Variants in KLF8 observed in about 807,000 individuals in gnomAD.
The protein encoded by KLF8 is KLF transcription factor 8.
KLF8 carries 10 observed loss-of-function variants against 18.2 expected under a neutral mutation model. The observed-to-expected ratio is 0.55, with a 90% CI of 0.34 to 0.93. The LOEUF is 0.93. KLF8 is among the 40% of genes least tolerant of loss of function. The probability of loss-of-function intolerance (pLI) is 0.02; values close to 1 mark genes in which losing one functional copy is unlikely to be tolerated. For synonymous variants in KLF8, 109 were observed against 97.3 expected (o/e 1.12, Z -0.71); for missense variants, 264 against 277.9 (o/e 0.95, Z 0.36).
chrX:56,214,870 A>G, the KLF8 span, among the ~76,000 whole-genome samples: 1 of 112,410 alleles, frequency 8.9e-6, no homozygotes, highest in Non-Finnish European at 1.9e-5. Flanking sequence ...CTAAACTATT[A>G]ACCACTACCT....
chrX:56,167,879 A>G, the KLF8 span, among the ~76,000 whole-genome samples: 2 of 112,347 alleles, frequency 1.8e-5, no homozygotes, highest in Admixed American at 1.9e-4. Context: ...ATTACTTAGC[A>G]GATTTTAAAT....
the KLF8 span, among the ~76,000 whole-genome samples, chrX:55,993,616 T>C: frequency 8.9e-6 from 1 of 112,360 alleles, no homozygotes; most frequent in African/African-American, 3.2e-5. Context: ...GCTGGCCTTA[T>C]AAAATGTGGT....
the KLF8 span, among the ~76,000 whole-genome samples, chrX:56,153,538 A>T: frequency 6.3e-5 from 7 of 111,527 alleles, no homozygotes; most frequent in Non-Finnish European, 1.3e-4. Flanking sequence ...CACTATGTTG[A>T]ACAGGAGTAG....
chrX:55,967,376 A>G, the KLF8 span, among the ~76,000 whole-genome samples: 1 of 111,698 alleles, frequency 9.0e-6, no homozygotes, highest in Admixed American at 9.5e-5. Flanking sequence ...GAGAAAAGAA[A>G]CAAATAATAT....
the KLF8 span, among the ~76,000 whole-genome samples, chrX:56,111,270 CTT>C: frequency 8.9e-6 from 1 of 111,881 alleles, no homozygotes; most frequent in African/African-American, 3.2e-5. Context: ...AGGATTCTCT[CTT>C]TCTCTTGGCT....
chrX:56,017,559 A>G, the KLF8 span, among the ~76,000 whole-genome samples: 1 of 112,259 alleles, frequency 8.9e-6, no homozygotes, highest in African/African-American at 3.2e-5. Flanking sequence ...TTGCTCTGCC[A>G]TGAAAAGTGA....
At chrX:56,001,558 A>G in the KLF8 span, among the ~76,000 whole-genome samples, 1 of 112,288 alleles carries the variant, frequency 8.9e-6, no homozygotes, top group South Asian at 3.7e-4. Flanking sequence ...TCTTAAAAAT[A>G]AAATCAGTCT....
At chrX:55,989,239 G>T in the KLF8 span, among the ~76,000 whole-genome samples, 5 of 111,935 alleles carry the variant, frequency 4.5e-5, no homozygotes, top group Middle Eastern at 4.6e-3. Flanking sequence ...CCAACACTGT[G>T]TTGAATAGGG....
chrX:56,105,132 C>T, the KLF8 span, among the ~76,000 whole-genome samples: 2 of 111,518 alleles, frequency 1.8e-5, no homozygotes, highest in African/African-American at 6.5e-5. Flanking sequence ...GCTTTACTTC[C>T]AATTATGTGG....
At chrX:56,106,982 A>AG in the KLF8 span, among the ~76,000 whole-genome samples, 1 of 111,951 alleles carries the variant, frequency 8.9e-6, no homozygotes, top group Non-Finnish European at 1.9e-5. Context: ...CCTCAGCTGC[A>AG]GGTCTGTTGG....
At chrX:56,136,040 C>A in the KLF8 span, among the ~76,000 whole-genome samples, 4 of 111,318 alleles carry the variant, frequency 3.6e-5, no homozygotes, top group Admixed American at 1.9e-4. Flanking sequence ...ATCCAACTTA[C>A]AAGGGATGTG....
the KLF8 span, among the ~76,000 whole-genome samples, chrX:56,002,409 TTGTGTGTATG>T: frequency 0.015 from 1,024 of 69,149 alleles, 12 homozygotes; most frequent in African/African-American, 0.043. Flanking sequence ...ATTAATCAAT[TTGTGTGTATG>T]TGTGTGTGTG....
chrX:56,169,022 T>C, the KLF8 span, among the ~76,000 whole-genome samples: 14 of 111,634 alleles, frequency 1.3e-4, no homozygotes, highest in African/African-American at 4.2e-4. Flanking sequence ...CTGACTTCCA[T>C]AGCAGTCAGA....
At chrX:56,096,488 T>C in the KLF8 span, among the ~76,000 whole-genome samples, 2 of 111,377 alleles carry the variant, frequency 1.8e-5, no homozygotes, top group East Asian at 5.6e-4. Flanking sequence ...ATGTTTAAAA[T>C]AAAATGAAAA....
chrX:56,040,124 G>A, the KLF8 span, among the ~76,000 whole-genome samples: 2 of 111,134 alleles, frequency 1.8e-5, 1 homozygote, highest in South Asian at 7.7e-4. Flanking sequence ...GAAGCTTTTG[G>A]GCTGAGACAA....
the KLF8 span, among the ~76,000 whole-genome samples, chrX:56,023,418 G>T: frequency 3.6e-5 from 4 of 111,835 alleles, no homozygotes; most frequent in African/African-American, 1.3e-4. Context: ...CTTTCTATGA[G>T]ACAAACAAAG....
chrX:56,188,039 G>A, the KLF8 span, among the ~76,000 whole-genome samples: 109 of 110,933 alleles, frequency 9.8e-4, no homozygotes, highest in African/African-American at 3.5e-3. Context: ...TTAGGCAGGC[G>A]AAGGAAATAA....
At chrX:56,151,897 A>G in the KLF8 span, among the ~76,000 whole-genome samples, 1 of 111,831 alleles carries the variant, frequency 8.9e-6, no homozygotes, top group African/African-American at 3.2e-5. Flanking sequence ...TTAATGGCCC[A>G]CTTTTTTAAA....
At chrX:56,097,519 A>G in the KLF8 span, among the ~76,000 whole-genome samples, 3 of 106,475 alleles carry the variant, frequency 2.8e-5, no homozygotes, top group Non-Finnish European at 5.8e-5. Context: ...CTCTTTTATT[A>G]TTATTATTAT....
Sources: allele counts gnomAD v4.1 joint callset (sites outside exome capture counted in the v4.1 genomes callset), GRCh38; gene constraint gnomAD v4.1.1; transcripts MANE v1.5; gene names NCBI Gene and HGNC (gene_info 2026-07-23, HGNC 2026-07-21).